Variants in SLC36A3 observed in about 807,000 individuals in gnomAD.
SLC36A3 encodes proton-coupled amino acid transporter 3.
A neutral mutation model predicts 44.3 loss-of-function variants in SLC36A3; 35 were observed. The observed-to-expected ratio is 0.79, with a 90% confidence interval of 0.60 to 1.05. SLC36A3 has a LOEUF of 1.05. SLC36A3 is among the 50% of genes least tolerant of loss of function. SLC36A3 has a pLI of 0.00. For missense variants in SLC36A3, 540 were observed against 578.7 expected, an observed-to-expected ratio of 0.93 and a Z score of 0.69; for synonymous variants, 211 against 227.6, an observed-to-expected ratio of 0.93 and a Z score of 0.66.
chr5:151,287,615 A>G, intron 5 of SLC36A3, 151 bp from the exon 6 acceptor site: 1 of 766,314 alleles, frequency 1.3e-6, no homozygotes, highest in Non-Finnish European at 2.1e-6. Flanking sequence ...CAAAATCACT[A>G]CTTATCTGAA....
chr5:151,298,436 C>T (rs1179295697), intron 2 of SLC36A3, among the ~76,000 whole-genome samples, 157 bp downstream of exon 2: 1 of 152,056 alleles, frequency 6.6e-6, no homozygotes, highest in Non-Finnish European at 1.5e-5. Flanking sequence ...CAGGTTGGAC[C>T]CAGGTTGACT....
intron 9 of SLC36A3, among the ~76,000 whole-genome samples, chr5:151,279,818 C>T (rs756853600): frequency 6.6e-6 from 1 of 152,170 alleles, no homozygotes; most frequent in South Asian, 2.1e-4. Flanking sequence ...CTCCTGACCC[C>T]GTACGGAAAC....
intron 4 of SLC36A3, 23 bp downstream of exon 4, chr5:151,293,341 A>T: frequency 6.3e-7 from 1 of 1,589,602 alleles, no homozygotes; most frequent in Non-Finnish European, 8.6e-7. Context: ...TGTTGTTACT[A>T]CTACAACATC....
intron 1 of SLC36A3, among the ~76,000 whole-genome samples, chr5:151,299,258 C>CTATATATATATA (rs1488673598): frequency 8.8e-5 from 6 of 68,072 alleles, no homozygotes; most frequent in African/African-American, 2.8e-4. Context: ...CTCTCTCTCT[C>CTATATATATATA]TCTCTCTATA....
At chr5:151,295,866 C>G (rs1754940595) in intron 3 of SLC36A3, among the ~76,000 whole-genome samples, 1 of 152,162 alleles carries the variant, frequency 6.6e-6, no homozygotes, top group South Asian at 2.1e-4. Context: ...AAGTCTCTGT[C>G]TCAAATAAAT....
At chr5:151,283,040 A>T (rs1252222672) in intron 8 of SLC36A3, among the ~76,000 whole-genome samples, 1 of 150,976 alleles carries the variant, frequency 6.6e-6, no homozygotes, top group East Asian at 1.9e-4. Flanking sequence ...TCACACCACC[A>T]CGCCCAGCTA....
At chr5:151,298,325 T>A in intron 2 of SLC36A3, 1 of 358,370 alleles carries the variant, frequency 2.8e-6, no homozygotes, top group Non-Finnish European at 4.8e-6. Flanking sequence ...CTGCATGTGA[T>A]CCTAGGAGTG....
intron 8 of SLC36A3, among the ~76,000 whole-genome samples, 168 bp downstream of exon 8, chr5:151,283,876 G>GAAT (rs2127256912): frequency 6.6e-6 from 1 of 152,372 alleles, no homozygotes; most frequent in Admixed American, 6.5e-5. Flanking sequence ...GGAGTGAGGT[G>GAAT]CGGCCATGTG....
rs1006852014 is a variant in SLC36A3, at chr5:151,298,314, G to A, written c.219+279C>T. ...GCTGTTAATGCAAATGACGAAATGA[G>A]CTGCATGTGATCCTAGGAGTGGGGA... On this transcript the variant is annotated intron_variant, in intron 2 of 9. Transcript: ENST00000335230. 3 of 329,550 alleles carry A rather than the reference G, an allele frequency of 9.1e-6. No individual in the cohort carries two copies. The East Asian group carries it at 1.7e-4, about 18-fold the overall frequency. The allele number at this position is 329,550 out of a possible 1,614,324, so 20.4% of individuals were successfully genotyped here. A position where few individuals can be genotyped will look rare whatever the true frequency, so the allele number is the denominator to read the frequency against.
rs763787600 is a variant in SLC36A3 at position 151,293,376 on chromosome 5, G to T, written c.392C>A (p.Ala131Glu). The T allele has an allele frequency of 8.1e-6, 13 of 1,613,490 alleles. No individual in the cohort carries two copies. Among genetic ancestry groups the T allele is most frequent in the South Asian group, 7.7e-5 (7 of 90,912 alleles). ...TCPNTWLRAHAVWGRYTVSFL... is the reference protein window; with the variant it reads ...TCPNTWLRAHEVWGRYTVSFL... ...CTGTGACTACTACCTTCCCCACACT[G>T]CATGGGCCCTCAGCCAGGTGTTCGG... is the stretch of plus-strand genomic sequence containing the variant. The change falls in exon 4 of 10, where the codon GCA becomes GAA. Residue 131 changes from alanine to glutamate, a missense_variant. Coordinates refer to ENST00000335230, the MANE Select transcript of SLC36A3 (RefSeq NM_181774.4).
chr5:151,277,710 G>C, intron 9 of SLC36A3, 49 bp from the exon 10 acceptor site: 1 of 1,580,714 alleles, frequency 6.3e-7, no homozygotes, highest in Non-Finnish European at 8.6e-7. Context: ...TCAGAAACAA[G>C]CCATTGCTTT....
At chr5:151,301,441 T>C (rs1580829526) in intron 1 of SLC36A3, among the ~76,000 whole-genome samples, 1 of 152,228 alleles carries the variant, frequency 6.6e-6, no homozygotes, top group Admixed American at 6.5e-5. Context: ...ATGGACCATC[T>C]GAAACCACCC....
Position 151,303,377 on chromosome 5 carries a change from C to G in SLC36A3, c.-23G>C. 6.2e-7 allele frequency: 1 copy of G among 1,608,106 alleles called. No individual in the cohort carries two copies. Among genetic ancestry groups the G allele is most frequent in the Non-Finnish European group, 8.5e-7 (1 of 1,176,194 alleles). On this transcript the variant is annotated 5_prime_UTR_variant, in exon 1 of 10. Transcript: ENST00000335230. ...CATCTTCAACACGGTGGGTAGGTGG[C>G]AGAGGCTCAGGGTTAAGGCTCTGAA...
In SLC36A3 at chr5:151,293,424, G is replaced by A. The variant is rs142591776; in HGVS notation, c.344C>T (p.Thr115Met). ...CGGGCAGGTTTCAAGGCCGTACATCGTGGCCTCTCCATAGTTCACAAAAGT... is the reference window on the plus strand; with the variant it reads ...CGGGCAGGTTTCAAGGCCGTACATCATGGCCTCTCCATAGTTCACAAAAGT... The part of the protein sequence containing the change: ...QKTFVNYGEA[T>M]MYGLETCPNT... The change falls in exon 4 of 10, where the codon ACG becomes ATG. Residue 115 changes from threonine to methionine, a missense_variant. Physicochemically the swap from Thr to Met is moderately conservative, Grantham distance 81. Transcript: ENST00000335230. 4.7e-4 allele frequency: 763 copies of A among 1,613,640 alleles called. 4 individuals are homozygous for A. The highest frequency in any genetic ancestry group is 4.7e-3 in the East Asian group (212 of 44,866).
At chr5:151,299,264 C>CTCTTTCTCTCTCTCTCTCTATATATATA (rs1372309288) in intron 1 of SLC36A3, among the ~76,000 whole-genome samples, 1 of 59,646 alleles carries the variant, frequency 1.7e-5, no homozygotes, top group South Asian at 7.6e-4. Flanking sequence ...CTCTCTCTCT[C>CTCTTTCTCTCTCTCTCTCTATATATATA]TATATATATA....
intron 9 of SLC36A3, 63 bp from the exon 10 acceptor site, chr5:151,277,724 GC>G: frequency 1.3e-6 from 2 of 1,550,430 alleles, no homozygotes; most frequent in Non-Finnish European, 1.7e-6. Context: ...TTGCTTTGGA[GC>G]CCTAGAATTT....
intron 8 of SLC36A3, 139 bp downstream of exon 8, chr5:151,283,905 A>C (rs531013106): frequency 9.4e-7 from 1 of 1,061,578 alleles, no homozygotes; most frequent in East Asian, 2.8e-5. Context: ...TGACTGATGC[A>C]GTGTGAGCAG....
In SLC36A3 at chr5:151,284,739, GTGT is replaced by G. The variant is rs768107542; in HGVS notation, c.709-31_709-29del. ...AAAAGAAAGTGGGAGAAGCACATTG[GTGT>G]TGTTATGGTGTCGAAGTCATCCCAA... On this transcript the variant is annotated intron_variant, in intron 6 of 9. Transcript: ENST00000335230. The G allele has an allele frequency of 1.9e-4, 299 of 1,573,344 alleles. 1 individual carries two copies. Among genetic ancestry groups the G allele is most frequent in the African/African-American group, 8.1e-5 (6 of 74,092 alleles).
rs1402260130 is a variant in SLC36A3, at chr5:151,287,417, C to A, written c.537G>T (p.Glu179Asp). Reference protein sequence around the residue: ...HVTSNICQPREILTLTPILDI... With the variant: ...HVTSNICQPRDILTLTPILDI... ...CCAGGATGGGGGTCAGCGTCAGAATCTCCCTGGGCTGGCAGATGTTGGAGG... is the reference window on the plus strand; with the variant it reads ...CCAGGATGGGGGTCAGCGTCAGAATATCCCTGGGCTGGCAGATGTTGGAGG... The change falls in exon 6 of 10, where the codon GAG (glutamate) becomes GAT (aspartate). Residue 179 changes from glutamate to aspartate, a missense_variant. Coordinates refer to ENST00000335230, the MANE Select transcript of SLC36A3 (RefSeq NM_181774.4). 3 of 1,614,206 alleles carry A rather than the reference C, an allele frequency of 1.9e-6. No individual in the cohort carries two copies. The highest frequency in any genetic ancestry group is 2.5e-6 in the Non-Finnish European group (3 of 1,180,020).
Sources: allele counts gnomAD v4.1 joint callset (sites outside exome capture counted in the v4.1 genomes callset), GRCh38; gene constraint gnomAD v4.1.1; transcripts MANE v1.5; gene names NCBI Gene and HGNC (gene_info 2026-07-23, HGNC 2026-07-21).